EXT2: variants seen among roughly 807,000 people sequenced by gnomAD.
The protein encoded by EXT2 is exostosin-2.
A neutral mutation model predicts 81.6 loss-of-function variants in EXT2; 53 were observed. That is an observed-to-expected ratio of 0.65 (90% CI 0.52 to 0.82). EXT2 has a LOEUF of 0.82. EXT2 is among the 40% of genes least tolerant of loss of function. EXT2 has a pLI of 0.00. For missense variants in EXT2, 774 were observed against 910.2 expected (o/e 0.85, Z 1.93); for synonymous variants, 320 against 340.0 (o/e 0.94, Z 0.65).
chr11:44,183,102 A>T (rs1249074992), intron 8 of EXT2, among the ~76,000 whole-genome samples: 2 of 152,240 alleles, frequency 1.3e-5, no homozygotes, highest in Non-Finnish European at 2.9e-5. Context: ...CAGGAGTGTC[A>T]TATAAGTAAT....
chr11:44,242,101 C>T (rs1420199594), intron 13 of EXT2, among the ~76,000 whole-genome samples: 1 of 152,182 alleles, frequency 6.6e-6, no homozygotes, highest in Non-Finnish European at 1.5e-5. Flanking sequence ...CTCTACAGGG[C>T]CTTGGAACCG....
chr11:44,217,585 T>G (rs1955734908), intron 10 of EXT2, among the ~76,000 whole-genome samples: 1 of 152,248 alleles, frequency 6.6e-6, no homozygotes, highest in South Asian at 2.1e-4. Context: ...TATCTGTTTA[T>G]GTATTTTACT....
At chr11:44,237,902 TAAAAAAAAAA>T (rs374084527) in intron 13 of EXT2, among the ~76,000 whole-genome samples, 13 of 56,364 alleles carry the variant, frequency 2.3e-4, no homozygotes, top group African/African-American at 8.0e-4. Context: ...CGTCTCTACT[TAAAAAAAAAA>T]AAAAAAAAAA....
At chr11:44,119,169 T>TATATACAC (rs1192115471) in intron 4 of EXT2, among the ~76,000 whole-genome samples, 13 of 63,136 alleles carry the variant, frequency 2.1e-4, no homozygotes, top group South Asian at 1.1e-3. Flanking sequence ...TATATATATA[T>TATATACAC]ACACATACAC....
At chr11:44,180,367 T>C (rs1037082967) in intron 8 of EXT2, among the ~76,000 whole-genome samples, 8 of 152,254 alleles carry the variant, frequency 5.3e-5, no homozygotes, top group African/African-American at 1.9e-4. Context: ...TAAATGTTGT[T>C]TTCAACTGAA....
At chr11:44,124,000 C>T (rs1385133770) in intron 4 of EXT2, among the ~76,000 whole-genome samples, 1 of 151,412 alleles carries the variant, frequency 6.6e-6, no homozygotes, top group African/African-American at 2.4e-5. Flanking sequence ...AAATCTTCCC[C>T]TTGACTTCAG....
chr11:44,172,905 A>G (rs1955097647), intron 8 of EXT2, among the ~76,000 whole-genome samples: 1 of 152,166 alleles, frequency 6.6e-6, no homozygotes. Context: ...AGTGCTGTAT[A>G]TGGCTACCTG....
Position 44,237,480 on chromosome 11 carries a change from G to C in EXT2, c.2018+1105G>C, listed in dbSNP as rs535325152. 3.3e-5 allele frequency among the ~76,000 whole-genome samples: 5 copies of C among 152,104 alleles called. No individual in the cohort carries two copies. The East Asian group carries it at 9.7e-4, about 29-fold the overall frequency. Reference sequence around the variant, plus strand: ...GTATCATAAGTATTTCACAGTTAAGGGTAGTGACATACACTGTCGTAGCTC... The same window carrying C: ...GTATCATAAGTATTTCACAGTTAAGCGTAGTGACATACACTGTCGTAGCTC... On this transcript the variant is annotated intron_variant, in intron 13 of 13. Transcript: ENST00000533608.
intron 8 of EXT2, among the ~76,000 whole-genome samples, chr11:44,184,520 G>T (rs560884972): frequency 2.6e-5 from 4 of 152,134 alleles, no homozygotes; most frequent in Admixed American, 6.5e-5. Flanking sequence ...GGGAGGCCGA[G>T]GGGGGTGGAT....
chr11:44,232,377 T>A lies in EXT2; in HGVS notation c.1687T>A (p.Leu563Met). ...YEVWREFPDR[L>M]VGYPGRLHLW... ...GGTCTGGCGGGAATTTCCTGACCGG[T>A]TGGTGGGTTACCCGGGTCGTCTGCA... is the stretch of plus-strand genomic sequence containing the variant. Residue 563 changes from leucine to methionine, a missense_variant, in exon 11 of 14, where the codon TTG becomes ATG. By Grantham distance (15) the Leu-to-Met change is conservative. This residue lies in a region of EXT2 where 148 missense variants were observed against 239.7 expected (regional missense o/e 0.62). Transcript: ENST00000533608. The A allele has an allele frequency of 1.2e-6, 2 of 1,614,004 alleles. No individual in the cohort carries two copies. The highest frequency in any genetic ancestry group is 1.7e-6 in the Non-Finnish European group (2 of 1,179,942).
At chr11:44,174,502 A>G (rs1955128155) in intron 8 of EXT2, among the ~76,000 whole-genome samples, 1 of 151,924 alleles carries the variant, frequency 6.6e-6, no homozygotes, top group African/African-American at 2.4e-5. Flanking sequence ...TTATACTCTA[A>G]TAAAAGAATA....
At chr11:44,171,495 C>T (rs1035571943) in intron 7 of EXT2, 116 bp from the exon 8 acceptor site, 12 of 1,492,296 alleles carry the variant, frequency 8.0e-6, no homozygotes, top group African/African-American at 5.5e-5. Context: ...GCACCCCCAT[C>T]CCTACAACTT....
chr11:44,230,665 C>A (rs1299428821), intron 10 of EXT2, among the ~76,000 whole-genome samples: 1 of 152,170 alleles, frequency 6.6e-6, no homozygotes, highest in Non-Finnish European at 1.5e-5. Flanking sequence ...CAGAGATTGA[C>A]AGCCAGCTAC....
At chr11:44,240,767 A>T (rs1956027681) in intron 13 of EXT2, among the ~76,000 whole-genome samples, 1 of 152,212 alleles carries the variant, frequency 6.6e-6, no homozygotes. Flanking sequence ...CTGAATTATT[A>T]AATAAGGCAT....
At chr11:44,128,650 T>C (rs1292646903) in intron 6 of EXT2, among the ~76,000 whole-genome samples, 1 of 152,102 alleles carries the variant, frequency 6.6e-6, no homozygotes, top group Admixed American at 6.6e-5. Context: ...ACAGAGGCGG[T>C]AACTCTAAGC....
At chr11:44,209,833 T>C (rs1955626553) in intron 10 of EXT2, among the ~76,000 whole-genome samples, 1 of 152,188 alleles carries the variant, frequency 6.6e-6, no homozygotes, top group Non-Finnish European at 1.5e-5. Flanking sequence ...AACTGTGTTG[T>C]TATAGTGTCT....
chr11:44,220,127 AG>A lies in EXT2; in HGVS notation c.1663-12224del, dbSNP rs1028096799. The stretch of plus-strand genomic sequence containing the variant: ...CTGGTGCTGGAATTCACAGTGAGCC[AG>A]GCCTGGTTTTGGTGTGCACAAGGTC... On this transcript the variant is annotated intron_variant, in intron 10 of 13. Coordinates refer to ENST00000533608, the MANE Select transcript of EXT2 (RefSeq NM_207122.2). The surrounding 1 kb of genome is among the most constrained non-coding windows in gnomAD (Gnocchi z 4.4). Among the ~76,000 whole-genome samples, 2 of 152,216 alleles carry A rather than the reference AG, an allele frequency of 1.3e-5. No individual in the cohort carries two copies. The highest frequency in any genetic ancestry group is 4.8e-5 in the African/African-American group (2 of 41,460).
At chr11:44,204,549 T>C (rs571067591) in intron 9 of EXT2, among the ~76,000 whole-genome samples, 48 of 152,344 alleles carry the variant, frequency 3.2e-4, no homozygotes, top group African/African-American at 1.1e-3. Flanking sequence ...TCCCCAACCC[T>C]GGGCCATGAA....
chr11:44,212,298 TATAAATAAATAAATAAATAAATAAATAA>T (rs55649714), intron 10 of EXT2, among the ~76,000 whole-genome samples: 79 of 80,668 alleles, frequency 9.8e-4, no homozygotes, highest in African/African-American at 3.7e-3. Flanking sequence ...AAAATAAAAA[TATAAATAAATAAATAAATAAATAAATAA>T]ATAAATAAAT....
Sources: allele counts gnomAD v4.1 joint callset (sites outside exome capture counted in the v4.1 genomes callset), GRCh38; gene constraint gnomAD v4.1.1; regional missense constraint gnomAD v4.1.1; non-coding constraint Gnocchi (gnomAD v3.1); transcripts MANE v1.5; gene names NCBI Gene and HGNC (gene_info 2026-07-23, HGNC 2026-07-21).